ZNF704: variants seen among roughly 807,000 people sequenced by gnomAD.
The protein encoded by ZNF704 is glucocorticoid induced gene 1.
Under a neutral mutation model 44.7 loss-of-function variants are expected in ZNF704, and 10 were observed. The ratio of observed to expected loss-of-function variants is 0.22; its 90% CI spans 0.14 to 0.38. The LOEUF (loss-of-function observed/expected upper bound fraction) is 0.38, where lower values mean the gene tolerates loss of function less well. ZNF704 is among the 10% of genes least tolerant of loss of function. The probability of loss-of-function intolerance (pLI) is 1.00; values close to 1 mark genes in which losing one functional copy is unlikely to be tolerated. For synonymous variants in ZNF704, 211 were observed against 207.6 expected (o/e 1.02, Z -0.14); for missense variants, 390 against 545.5 (o/e 0.71, Z 2.84).
At chr8:80,683,496 C>A (rs1026426433) in intron 4 of ZNF704, among the ~76,000 whole-genome samples, 1 of 152,196 alleles carries the variant, frequency 6.6e-6, no homozygotes. Context: ...TTTCTCTCCA[C>A]GTTTTTCTCC....
At chr8:80,831,838 G>A (rs1371504668) in intron 1 of ZNF704, among the ~76,000 whole-genome samples, 1 of 152,162 alleles carries the variant, frequency 6.6e-6, no homozygotes, top group Non-Finnish European at 1.5e-5. Flanking sequence ...TAAGTGGCAG[G>A]GAAGAGCTGA....
chr8:80,813,742 G>C (rs1171102316), intron 2 of ZNF704, among the ~76,000 whole-genome samples: 2 of 152,096 alleles, frequency 1.3e-5, no homozygotes, highest in East Asian at 3.9e-4. Flanking sequence ...AGCCAGGCGT[G>C]GTGGTGGGCG....
intron 7 of ZNF704, among the ~76,000 whole-genome samples, chr8:80,658,052 A>G (rs6999110): frequency 0.014 from 2,063 of 152,292 alleles, 57 homozygotes; most frequent in African/African-American, 0.047. Flanking sequence ...GAGCTAGTAA[A>G]GAGCCCCTCA....
chr8:80,690,688 A>AAG (rs1356603093), intron 3 of ZNF704, among the ~76,000 whole-genome samples: 1 of 152,200 alleles, frequency 6.6e-6, no homozygotes, highest in Non-Finnish European at 1.5e-5. Context: ...GGCCCATTTC[A>AAG]AGAGCAACTT....
At chr8:80,782,836 G>A (rs923626991) in intron 2 of ZNF704, among the ~76,000 whole-genome samples, 14 of 151,904 alleles carry the variant, frequency 9.2e-5, no homozygotes, top group Non-Finnish European at 1.9e-4. Flanking sequence ...TCCTCCTGTC[G>A]TCCCTCTATG....
In ZNF704 at chr8:80,813,722, C is replaced by CA. The variant is rs546814632; in HGVS notation, c.221+7651dup. Among the ~76,000 whole-genome samples the CA allele has an allele frequency of 1.4e-4, 22 of 151,938 alleles. No individual in the cohort carries two copies. In the East Asian group the frequency reaches 3.5e-3, roughly 24 times the overall value. ...TGAAACCCCGTCTCTACTAAAAATA[C>CA]AAAAAAATTAGCCAGGCGTGGTGGT... On this transcript the variant is annotated intron_variant, in intron 2 of 8. Coordinates refer to ENST00000327835, the MANE Select transcript of ZNF704 (RefSeq NM_001033723.3).
At position 80,732,254 on chromosome 8, in the gene ZNF704, A is replaced by C. The variant is rs189831914; in HGVS notation, c.222-39147T>G. ...TGTCTCTTGGTGTTCTATTCTGTTT[A>C]TTATTCCCCTTTCCTGGTTACTAAT... On this transcript the variant is annotated intron_variant, in intron 2 of 8. Transcript: ENST00000327835. Among the ~76,000 whole-genome samples, 19 of 152,188 alleles carry C rather than the reference A, an allele frequency of 1.2e-4. No homozygotes were observed. In the East Asian group the frequency reaches 3.7e-3, roughly 29 times the overall value.
intron 4 of ZNF704, among the ~76,000 whole-genome samples, chr8:80,678,911 GGA>G (rs1563516015): frequency 1.3e-5 from 2 of 152,108 alleles, no homozygotes; most frequent in Admixed American, 1.3e-4. Flanking sequence ...CTGGGAGGCA[GGA>G]GAGATTGGAA....
At chr8:80,866,539 A>G (rs1353065541) in intron 1 of ZNF704, among the ~76,000 whole-genome samples, 3 of 152,244 alleles carry the variant, frequency 2.0e-5, no homozygotes, top group Non-Finnish European at 4.4e-5. Flanking sequence ...AAGGGAAATC[A>G]TGTATTTACC....
intron 1 of ZNF704, among the ~76,000 whole-genome samples, chr8:80,864,627 G>C (rs1586084680): frequency 6.6e-6 from 1 of 152,246 alleles, no homozygotes; most frequent in East Asian, 1.9e-4. Flanking sequence ...GTGGGAGCAA[G>C]CAGATATGAG....
In ZNF704 at chr8:80,821,437, G is replaced by C. The variant is rs139528881; in HGVS notation, c.158C>G (p.Ser53Cys). ...ILDHEKENTR[S>C]ICLLEQKRKV... Reference sequence around the variant, plus strand: ...TCTTTTTTGCTCAAGGAGACAGATGGAGCGAGTGTTTTCTTTTTCATGGTC... The same window carrying C: ...TCTTTTTTGCTCAAGGAGACAGATGCAGCGAGTGTTTTCTTTTTCATGGTC... Residue 53 changes from serine to cysteine, a missense_variant, in exon 2 of 9, where the codon TCC becomes TGC. Physicochemically the swap from Ser to Cys is moderately radical, Grantham distance 112. Around this residue, in one of 3 missense-constraint regions of ZNF704, gnomAD observed 80 missense variants for 83.7 expected, o/e 0.96. Coordinates refer to ENST00000327835, the MANE Select transcript of ZNF704 (RefSeq NM_001033723.3). 6.2e-7 allele frequency: 1 copy of C among 1,614,012 alleles called. No individual in the cohort carries two copies. The highest frequency in any genetic ancestry group is 1.3e-5 in the African/African-American group (1 of 74,910).
At position 80,826,277 on chromosome 8, in the gene ZNF704, C is replaced by A. The variant is rs1808373650; in HGVS notation, c.-21-4662G>T. On this transcript the variant is annotated intron_variant, in intron 1 of 8. Coordinates refer to ENST00000327835, the MANE Select transcript of ZNF704 (RefSeq NM_001033723.3). ...ACCGATCCCACAGAAATACAAACTA[C>A]CATCAGAGAATACTATAAACACCTC... 2.0e-5 allele frequency among the ~76,000 whole-genome samples: 3 copies of A among 152,082 alleles called. No individual in the cohort carries two copies. The South Asian group carries it at 6.2e-4, about 32-fold the overall frequency.
chr8:80,784,797 T>G (rs1014923286), intron 2 of ZNF704, among the ~76,000 whole-genome samples: 1 of 152,028 alleles, frequency 6.6e-6, no homozygotes, highest in Non-Finnish European at 1.5e-5. Flanking sequence ...TTTGCTGTTG[T>G]TTCTAAAAGG....
intron 2 of ZNF704, among the ~76,000 whole-genome samples, chr8:80,780,596 C>T (rs1233099670): frequency 6.6e-6 from 1 of 152,072 alleles, no homozygotes; most frequent in East Asian, 1.9e-4. Context: ...GTGTGAGCCC[C>T]AGGTCCCATG....
rs61050547 is a variant in ZNF704 at position 80,680,363 on chromosome 8, A to AT, written c.558+6862dup. On this transcript the variant is annotated intron_variant, in intron 4 of 8. Coordinates refer to ENST00000327835, the MANE Select transcript of ZNF704 (RefSeq NM_001033723.3). ...GAGGTGACTAAAAGGATCTTCAGGTATTTTTTTTTTTTTTGTATTGTGACT... is the reference window on the plus strand; with the variant it reads ...GAGGTGACTAAAAGGATCTTCAGGTATTTTTTTTTTTTTTTGTATTGTGACT... 6.6e-3 allele frequency among the ~76,000 whole-genome samples: 933 copies of AT among 142,278 alleles called. 6 individuals are homozygous for AT. Among genetic ancestry groups the AT allele is most frequent in the African/African-American group, 0.016 (643 of 39,346 alleles). The allele number at this position is 142,278 out of a possible 152,430, so 93.3% of individuals were successfully genotyped here. A position where few individuals can be genotyped will look rare whatever the true frequency, so the allele number is the denominator to read the frequency against.
intron 7 of ZNF704, among the ~76,000 whole-genome samples, chr8:80,657,766 A>T (rs1036695227): frequency 6.6e-6 from 1 of 151,510 alleles, no homozygotes; most frequent in Non-Finnish European, 1.5e-5. Flanking sequence ...TATGTTTTAT[A>T]TATCATATAT....
At chr8:80,689,819 T>C (rs929994590) in intron 3 of ZNF704, among the ~76,000 whole-genome samples, 1 of 152,146 alleles carries the variant, frequency 6.6e-6, no homozygotes. Context: ...GGACTATAAG[T>C]GATATAGAAA....
intron 2 of ZNF704, among the ~76,000 whole-genome samples, chr8:80,774,160 C>A (rs1807371946): frequency 6.6e-6 from 1 of 151,848 alleles, no homozygotes; most frequent in Non-Finnish European, 1.5e-5. Context: ...ATCTCCCAGG[C>A]TCAAGTGATC....
chr8:80,676,635 G>T (rs74876351), intron 4 of ZNF704, among the ~76,000 whole-genome samples: 1,566 of 152,314 alleles, frequency 0.01, 14 homozygotes, highest in Non-Finnish European at 0.016. Context: ...GAAGTTTGAG[G>T]ATACTTGAGA....
Sources: gnomAD v4.1 joint callset for allele counts (sites outside exome capture counted in the v4.1 genomes callset) on GRCh38, gnomAD v4.1.1 for gene constraint, gnomAD v4.1.1 regional missense constraint, MANE v1.5 for transcripts, NCBI Gene and HGNC (gene_info 2026-07-23, HGNC 2026-07-21) for gene names.